GNA12: variants seen among roughly 807,000 people sequenced by gnomAD.
GNA12 encodes the protein guanine nucleotide-binding protein subunit alpha-12.
Under a neutral mutation model 26.0 loss-of-function variants are expected in GNA12, and 9 were observed. The ratio of observed to expected loss-of-function variants is 0.35; its 90% CI spans 0.21 to 0.60. GNA12 has a LOEUF of 0.60. GNA12 is among the 20% of genes least tolerant of loss of function. The pLI is 0.78. For missense variants in GNA12, 405 were observed against 525.8 expected, an observed-to-expected ratio of 0.77 and a Z score of 2.25; for synonymous variants, 264 against 219.6, an observed-to-expected ratio of 1.20 and a Z score of -1.79.
In GNA12 at chr7:2,769,443, C is replaced by G. The variant is rs371993247; in HGVS notation, c.525+25485G>C. ...TCCATATTAATTTTTTAAAACAGCT[C>G]TGGCCGGCTGGGCACGGTGGCTCAT... On this transcript the variant is annotated intron_variant, in intron 2 of 3. Transcript: ENST00000275364. Among the ~76,000 whole-genome samples, 14 of 152,104 alleles carry G rather than the reference C, an allele frequency of 9.2e-5. No individual in the cohort carries two copies. The East Asian group carries it at 1.9e-3, about 21-fold the overall frequency.
chr7:2,788,066 A>C (rs1792410102), intron 2 of GNA12, among the ~76,000 whole-genome samples: 1 of 152,102 alleles, frequency 6.6e-6, no homozygotes, highest in African/African-American at 2.4e-5. Flanking sequence ...CTGAGGGAGA[A>C]TCGCTTGAAC....
chr7:2,740,818 AC>A (rs2115326021), intron 2 of GNA12, among the ~76,000 whole-genome samples: 1 of 152,276 alleles, frequency 6.6e-6, no homozygotes, highest in African/African-American at 2.4e-5. Context: ...GCCGAGGCGG[AC>A]GGATCACGAG....
chr7:2,834,845 G>C (rs944046302), intron 1 of GNA12, among the ~76,000 whole-genome samples: 1 of 152,188 alleles, frequency 6.6e-6, no homozygotes, highest in Non-Finnish European at 1.5e-5. Flanking sequence ...TATACGGTCA[G>C]CTATATTATC....
At chr7:2,800,915 G>C (rs1364612004) in intron 1 of GNA12, among the ~76,000 whole-genome samples, 1 of 152,070 alleles carries the variant, frequency 6.6e-6, no homozygotes, top group Non-Finnish European at 1.5e-5. Flanking sequence ...CTTTCCAAAA[G>C]GACAAAACCA....
chr7:2,799,868 C>T (rs1282852873), intron 1 of GNA12, among the ~76,000 whole-genome samples: 2 of 152,148 alleles, frequency 1.3e-5, no homozygotes, highest in South Asian at 2.1e-4. Context: ...ACCAAGACAA[C>T]CAGCGGCAAC....
intron 1 of GNA12, among the ~76,000 whole-genome samples, chr7:2,841,095 A>G (rs951501668): frequency 2.0e-5 from 3 of 152,256 alleles, no homozygotes; most frequent in Non-Finnish European, 2.9e-5. Flanking sequence ...GTTTCTGCTG[A>G]TAAGAAAGTC....
At chr7:2,775,976 A>G (rs757753929) in intron 2 of GNA12, among the ~76,000 whole-genome samples, 21 of 152,236 alleles carry the variant, frequency 1.4e-4, no homozygotes, top group Non-Finnish European at 2.6e-4. Context: ...GCCGGTGGCT[A>G]TGGGGCAGCT....
chr7:2,767,044 A>T (rs1791824276), intron 2 of GNA12, among the ~76,000 whole-genome samples: 1 of 152,230 alleles, frequency 6.6e-6, no homozygotes, highest in South Asian at 2.1e-4. Flanking sequence ...CTCACTGGAG[A>T]ACTGTCCATT....
At chr7:2,842,145 A>AGAAGGAAAG (rs1779014568) in intron 1 of GNA12, among the ~76,000 whole-genome samples, 1 of 148,376 alleles carries the variant, frequency 6.7e-6, no homozygotes, top group African/African-American at 2.6e-5. Context: ...AGGAAAGAAA[A>AGAAGGAAAG]GAAGGAAAGG....
chr7:2,737,283 TTTTTTG>T lies in GNA12; in HGVS notation c.526-3788_526-3783del, dbSNP rs1562394941. 9.4e-3 allele frequency among the ~76,000 whole-genome samples: 571 copies of T among 61,036 alleles called. 49 individuals carry two copies. The highest frequency in any genetic ancestry group is 0.011 in the African/African-American group (167 of 14,914). 40.0% of individuals were successfully genotyped at this position (61,036 alleles called of 152,430 possible). A position where few individuals can be genotyped will look rare whatever the true frequency, so the allele number is the denominator to read the frequency against. Reference sequence around the variant, plus strand: ...CTCACAGTTTTGTTTTGTTTTTTTTTTTTTTGTTTTTTTTTTTTTTTTTGAGATGGA... The same window carrying T: ...CTCACAGTTTTGTTTTGTTTTTTTTTTTTTTTTTTTTTTTTTTGAGATGGA... On this transcript the variant is annotated intron_variant, in intron 2 of 3. Coordinates refer to ENST00000275364, the MANE Select transcript of GNA12 (RefSeq NM_007353.3).
At chr7:2,764,420 T>C (rs574748805) in intron 2 of GNA12, among the ~76,000 whole-genome samples, 1 of 152,258 alleles carries the variant, frequency 6.6e-6, no homozygotes, top group South Asian at 2.1e-4. Context: ...ACATCTGATA[T>C]TGCTGACCAG....
intron 1 of GNA12, among the ~76,000 whole-genome samples, chr7:2,795,702 T>G (rs1310162937): frequency 6.6e-6 from 1 of 151,936 alleles, no homozygotes; most frequent in Admixed American, 6.6e-5. Flanking sequence ...GAAGTCTGCT[T>G]TCTGCTATCA....
chr7:2,774,763 G>A (rs889430206), intron 2 of GNA12, among the ~76,000 whole-genome samples: 4 of 152,234 alleles, frequency 2.6e-5, no homozygotes, highest in South Asian at 4.1e-4. Flanking sequence ...GCACGTCTAA[G>A]AATAAACATA....
chr7:2,783,252 C>G (rs985991545), intron 2 of GNA12, among the ~76,000 whole-genome samples: 1 of 152,156 alleles, frequency 6.6e-6, no homozygotes, highest in Non-Finnish European at 1.5e-5. Context: ...TGGCTTCTAC[C>G]AGGCACTTGG....
At chr7:2,805,607 C>T (rs1583296427) in intron 1 of GNA12, among the ~76,000 whole-genome samples, 1 of 152,214 alleles carries the variant, frequency 6.6e-6, no homozygotes, top group African/African-American at 2.4e-5. Context: ...CTGCCGCCTG[C>T]TCTCACGCAG....
Position 2,794,965 on chromosome 7 carries a change from A to G in GNA12, c.488T>C (p.Ile163Thr). 6.2e-7 allele frequency: 1 copy of G among 1,614,190 alleles called. No individual in the cohort carries two copies. The highest frequency in any genetic ancestry group is 8.5e-7 in the Non-Finnish European group (1 of 1,180,028). Residue 163 changes from isoleucine to threonine, a missense_variant, in exon 2 of 4, where the codon ATC becomes ACC. Physicochemically the swap from Ile to Thr is moderately conservative, Grantham distance 89. Transcript: ENST00000275364. ...ALSALWRDSG[I>T]REAFSRRSEF... Reference sequence around the variant, plus strand: ...GCTTCTCCGGCTGAAAGCCTCCCTGATGCCAGAATCCCTCCAGAGTGCGCT... The same window carrying G: ...GCTTCTCCGGCTGAAAGCCTCCCTGGTGCCAGAATCCCTCCAGAGTGCGCT...
intron 2 of GNA12, among the ~76,000 whole-genome samples, chr7:2,793,383 G>C (rs1792570207): frequency 6.7e-6 from 1 of 149,716 alleles, no homozygotes; most frequent in Non-Finnish European, 1.5e-5. Flanking sequence ...GTCACATTCA[G>C]ACAAGGTCTA....
At chr7:2,781,642 A>T (rs1001305758) in intron 2 of GNA12, among the ~76,000 whole-genome samples, 3 of 152,144 alleles carry the variant, frequency 2.0e-5, no homozygotes, top group Non-Finnish European at 4.4e-5. Context: ...AAAGACATGT[A>T]GCTGTCTTTA....
chr7:2,796,627 C>T (rs35081209), intron 1 of GNA12, among the ~76,000 whole-genome samples: 23 of 152,166 alleles, frequency 1.5e-4, no homozygotes, highest in East Asian at 9.6e-4. Flanking sequence ...CCCACCAAAA[C>T]GGGAGCCAGG....
Sources: gnomAD v4.1 joint callset for allele counts (sites outside exome capture counted in the v4.1 genomes callset) on GRCh38, gnomAD v4.1.1 for gene constraint, MANE v1.5 for transcripts, NCBI Gene and HGNC (gene_info 2026-07-23, HGNC 2026-07-21) for gene names.